The following GXYLT2 variants were observed in gnomAD, a reference collection of about 807,000 sequenced individuals.
GXYLT2 encodes glucoside xylosyltransferase 2, also known as glycosyltransferase 8 domain containing 4.
In GXYLT2, 53 loss-of-function variants were observed where a neutral mutation model predicts 45.8. That is an observed-to-expected ratio of 1.16 (90% CI 0.93 to 1.46). The LOEUF is 1.46. Ranked by LOEUF, GXYLT2 falls within the 40% of genes most tolerant of loss-of-function variation. The pLI is 0.00. For synonymous variants in GXYLT2, 219 were observed against 214.2 expected, an observed-to-expected ratio of 1.02 and a Z score of -0.19; for missense variants, 551 against 544.4, an observed-to-expected ratio of 1.01 and a Z score of -0.12.
In GXYLT2 at chr3:72,908,392, C is replaced by G. The variant is rs751319409; in HGVS notation, c.301C>G (p.Gln101Glu). 4.3e-6 allele frequency: 7 copies of G among 1,610,704 alleles called. No homozygotes were observed. In the South Asian group the frequency reaches 6.6e-5, roughly 15 times the overall value. ...ARRPGEPRSF[Q>E]AVLPPELWIH... ...GAGGCCTGGAGAACCCAGGAGTTTC[C>G]AAGCTGTGCTGCCACCCGAGCTCTG... The change falls in exon 2 of 7, where the codon CAA becomes GAA. Residue 101 changes from glutamine (Q) to glutamate (E), a missense_variant. Transcript: ENST00000389617.
chr3:72,923,599 G>A (rs977102855), intron 3 of GXYLT2, among the ~76,000 whole-genome samples: 1 of 152,168 alleles, frequency 6.6e-6, no homozygotes, highest in African/African-American at 2.4e-5. Flanking sequence ...GCCCACCAGG[G>A]TGCTGGGCCC....
chr3:72,902,189 G>A (rs1709422003), intron 1 of GXYLT2, among the ~76,000 whole-genome samples: 2 of 152,054 alleles, frequency 1.3e-5, no homozygotes, highest in Non-Finnish European at 2.9e-5. Flanking sequence ...AATTCCTGTA[G>A]GTATATAACT....
intron 5 of GXYLT2, among the ~76,000 whole-genome samples, chr3:72,965,894 A>G (rs909234666): frequency 1.3e-5 from 2 of 152,170 alleles, no homozygotes; most frequent in Non-Finnish European, 2.9e-5. Context: ...GCCATGGTGC[A>G]TATAGTTACC....
At chr3:72,903,125 T>G (rs1709438443) in intron 1 of GXYLT2, among the ~76,000 whole-genome samples, 1 of 152,206 alleles carries the variant, frequency 6.6e-6, no homozygotes, top group African/African-American at 2.4e-5. Context: ...ATGGAATAGC[T>G]TTCTCCCTGT....
At chr3:72,974,936 A>G in intron 6 of GXYLT2, 41 bp from the exon 7 acceptor site, 1 of 1,424,154 alleles carries the variant, frequency 7.0e-7, no homozygotes, top group Non-Finnish European at 9.6e-7. Context: ...TTAAAATGGC[A>G]TTTCCGTTAC....
intron 1 of GXYLT2, among the ~76,000 whole-genome samples, chr3:72,895,830 T>G (rs1709280128): frequency 3.3e-5 from 5 of 152,220 alleles, no homozygotes; most frequent in Admixed American, 2.6e-4. Flanking sequence ...AAGAGTAACC[T>G]TGATATATTT....
At chr3:72,926,963 G>T (rs145100133) in intron 3 of GXYLT2, 1 of 152,194 alleles carries the variant, frequency 6.6e-6, no homozygotes, top group African/African-American at 2.4e-5. Context: ...AGTTAGAGAG[G>T]GTCTCACTGT....
intron 3 of GXYLT2, among the ~76,000 whole-genome samples, chr3:72,930,018 T>C (rs1445815811): frequency 6.6e-6 from 1 of 151,424 alleles, no homozygotes; most frequent in African/African-American, 2.4e-5. Flanking sequence ...AATACAAAAT[T>C]AGCTGGGCGT....
Position 72,888,202 on chromosome 3 carries a change from C to T in GXYLT2, c.-32C>T. ...CGCGATGCGCAGAGGGGCCGAGCCG[C>T]CTGGGGGCCGCCGCCGCCGCCGCGC... is the stretch of plus-strand genomic sequence containing the variant. On this transcript the variant is annotated 5_prime_UTR_variant, in exon 1 of 7. Transcript: ENST00000389617. 1.0e-6 allele frequency: 1 copy of T among 987,044 alleles called. No individual in the cohort carries two copies. The highest frequency in any genetic ancestry group is 1.2e-6 in the Non-Finnish European group (1 of 832,928). 61.1% of individuals were successfully genotyped at this position (987,044 alleles called of 1,614,324 possible).
intron 2 of GXYLT2, among the ~76,000 whole-genome samples, chr3:72,912,708 T>G (rs766091100): frequency 6.6e-6 from 1 of 152,108 alleles, no homozygotes; most frequent in African/African-American, 2.4e-5. Context: ...TCTAGACATG[T>G]GAGTGAATAA....
At chr3:72,945,174 G>GC (rs1710380095) in intron 3 of GXYLT2, among the ~76,000 whole-genome samples, 1 of 151,250 alleles carries the variant, frequency 6.6e-6, no homozygotes. Context: ...TGTAGTCCCT[G>GC]CTACTAAGGA....
chr3:72,959,397 C>T (rs1710724210), intron 5 of GXYLT2, among the ~76,000 whole-genome samples: 1 of 151,730 alleles, frequency 6.6e-6, no homozygotes, highest in Middle Eastern at 3.2e-3. Context: ...GGATTACAGG[C>T]ATCAGCCACT....
chr3:72,963,508 T>G (rs1014684192), intron 5 of GXYLT2, among the ~76,000 whole-genome samples: 1 of 16,742 alleles, frequency 6.0e-5, no homozygotes, highest in Non-Finnish European at 1.5e-4. Flanking sequence ...GAGTTTTTTG[T>G]TTTTTTTTTT....
intron 5 of GXYLT2, among the ~76,000 whole-genome samples, chr3:72,961,539 C>T (rs1380914270): frequency 1.3e-5 from 2 of 151,856 alleles, no homozygotes; most frequent in Non-Finnish European, 2.9e-5. Context: ...TTCTGTCTCT[C>T]AGACCACATT....
At chr3:72,897,078 T>C (rs1208887920) in intron 1 of GXYLT2, among the ~76,000 whole-genome samples, 2 of 152,224 alleles carry the variant, frequency 1.3e-5, no homozygotes, top group Non-Finnish European at 2.9e-5. Context: ...ACGTACCTTA[T>C]TAAGCACTTC....
Position 72,891,224 on chromosome 3 carries a change from G to A in GXYLT2, c.275+2716G>A, listed in dbSNP as rs570296084. 5.3e-5 allele frequency among the ~76,000 whole-genome samples: 8 copies of A among 152,222 alleles called. No homozygotes were observed. The South Asian group carries it at 1.7e-3, about 32-fold the overall frequency. On this transcript the variant is annotated intron_variant, in intron 1 of 6. Coordinates refer to ENST00000389617, the MANE Select transcript of GXYLT2 (RefSeq NM_001080393.2). ...CTACGTGATCTCATTTCTCTGGCCT[G>A]GGGAGGGTCAGGCTTGTGGTTGTAG...
chr3:72,932,775 T>C (rs896417373), intron 3 of GXYLT2, among the ~76,000 whole-genome samples: 45 of 152,378 alleles, frequency 3.0e-4, no homozygotes, highest in Admixed American at 2.7e-3. Context: ...ATATACAAAG[T>C]GTGGCCTTTA....
intron 2 of GXYLT2, among the ~76,000 whole-genome samples, chr3:72,916,347 A>G (rs1709743061): frequency 6.6e-6 from 1 of 151,372 alleles, no homozygotes; most frequent in Non-Finnish European, 1.5e-5. Flanking sequence ...ACACCTTAAA[A>G]TAAACTTTTT....
intron 2 of GXYLT2, among the ~76,000 whole-genome samples, chr3:72,913,489 G>A (rs1709675538): frequency 6.6e-6 from 1 of 151,902 alleles, no homozygotes; most frequent in South Asian, 2.1e-4. Context: ...GAGGTCCGGA[G>A]TTCGAGACCA....
Sources: gnomAD v4.1 joint callset for allele counts (sites outside exome capture counted in the v4.1 genomes callset) on GRCh38, gnomAD v4.1.1 for gene constraint, MANE v1.5 for transcripts, NCBI Gene and HGNC (gene_info 2026-07-23, HGNC 2026-07-21) for gene names.